The following ATXN7L1 variants were observed in gnomAD, a reference collection of about 807,000 sequenced individuals.
ATXN7L1 encodes the protein ataxin-7-like protein 1.
A neutral mutation model predicts 70.8 loss-of-function variants in ATXN7L1; 15 were observed. The observed-to-expected ratio is 0.21, with a 90% confidence interval of 0.14 to 0.33. The LOEUF (loss-of-function observed/expected upper bound fraction) is 0.33. Ranked by LOEUF, ATXN7L1 falls within the 10% of genes least tolerant of loss-of-function variation. The pLI, the probability that ATXN7L1 is intolerant of heterozygous loss-of-function variation, is 1.00. For missense variants in ATXN7L1, 975 were observed against 1,097.1 expected, an observed-to-expected ratio of 0.89 and a Z score of 1.57; for synonymous variants, 440 against 445.1, an observed-to-expected ratio of 0.99 and a Z score of 0.14.
intron 2 of ATXN7L1, among the ~76,000 whole-genome samples, chr7:105,789,552 A>T (rs1343813384): frequency 6.6e-6 from 1 of 152,046 alleles, no homozygotes; most frequent in Non-Finnish European, 1.5e-5. Context: ...GGATGAGTAG[A>T]GGTTAAGGAA....
intron 3 of ATXN7L1, among the ~76,000 whole-genome samples, chr7:105,697,278 G>A (rs772029616): frequency 3.3e-5 from 5 of 151,314 alleles, no homozygotes; most frequent in African/African-American, 4.9e-5. Flanking sequence ...CTATCTCACC[G>A]CTGCAATCTC....
chr7:105,827,506 C>T (rs1016143366), intron 2 of ATXN7L1, among the ~76,000 whole-genome samples: 1 of 152,144 alleles, frequency 6.6e-6, no homozygotes, highest in African/African-American at 2.4e-5. Flanking sequence ...TGCGTGGGTT[C>T]ACTTATATAC....
intron 2 of ATXN7L1, among the ~76,000 whole-genome samples, chr7:105,816,389 G>A (rs955995251): frequency 6.6e-6 from 1 of 152,156 alleles, no homozygotes; most frequent in Admixed American, 6.5e-5. Context: ...AATTTTTATA[G>A]ACACTAGCTT....
At chr7:105,702,780 G>C (rs1048047292) in intron 3 of ATXN7L1, among the ~76,000 whole-genome samples, 1 of 151,940 alleles carries the variant, frequency 6.6e-6, no homozygotes, top group African/African-American at 2.4e-5. Flanking sequence ...TGCAGTTTAA[G>C]ACCAGCCTGA....
chr7:105,815,036 G>A (rs1808984017), intron 2 of ATXN7L1, among the ~76,000 whole-genome samples: 1 of 152,178 alleles, frequency 6.6e-6, no homozygotes. Context: ...TCTGGAAAGG[G>A]GGGCCCACAA....
intron 3 of ATXN7L1, among the ~76,000 whole-genome samples, chr7:105,757,504 T>C (rs2116402020): frequency 6.6e-6 from 1 of 152,114 alleles, no homozygotes; most frequent in East Asian, 1.9e-4. Context: ...TTTGAATTCT[T>C]TTTCACCAAA....
Position 105,828,864 on chromosome 7 carries a change from A to G in ATXN7L1, c.251-40156T>C, listed in dbSNP as rs569248533. 6.6e-5 allele frequency among the ~76,000 whole-genome samples: 10 copies of G among 152,346 alleles called. No homozygotes were observed. The South Asian group carries it at 1.9e-3, about 28-fold the overall frequency. ...CACTGACAATTTCTAAAGAAGCAAT[A>G]CATGGACTCCACCGGCAAGGGTATT... On this transcript the variant is annotated intron_variant, in intron 2 of 11. Coordinates refer to ENST00000419735, the MANE Select transcript of ATXN7L1 (RefSeq NM_020725.2).
intron 3 of ATXN7L1, among the ~76,000 whole-genome samples, chr7:105,693,174 G>C (rs539055141): frequency 2.0e-5 from 3 of 152,116 alleles, no homozygotes; most frequent in South Asian, 4.2e-4. Flanking sequence ...GGGTGTGGAC[G>C]TAAGAGTGAG....
chr7:105,755,690 T>C (rs78816710), intron 3 of ATXN7L1, among the ~76,000 whole-genome samples: 3,175 of 152,280 alleles, frequency 0.021, 92 homozygotes, highest in African/African-American at 0.073. Flanking sequence ...TCCCTCTTAG[T>C]GAGAAAAGTG....
intron 7 of ATXN7L1, among the ~76,000 whole-genome samples, chr7:105,625,283 C>T (rs898853894): frequency 3.3e-5 from 5 of 152,228 alleles, no homozygotes; most frequent in African/African-American, 1.2e-4. Context: ...AACACTCTCA[C>T]TCTGTCGCCC....
intron 5 of ATXN7L1, among the ~76,000 whole-genome samples, chr7:105,641,254 T>G (rs1353497438): frequency 4.6e-5 from 5 of 108,288 alleles, no homozygotes; most frequent in Non-Finnish European, 7.2e-5. Context: ...TAGCTTCACT[T>G]AGAAAAAAAA....
chr7:105,854,471 GAAAAA>G (rs59330079), intron 2 of ATXN7L1, among the ~76,000 whole-genome samples: 2 of 97,722 alleles, frequency 2.0e-5, no homozygotes. Flanking sequence ...AATTAGCTCT[GAAAAA>G]AAAAAAAAAA....
At chr7:105,841,246 A>C (rs1394025016) in intron 2 of ATXN7L1, among the ~76,000 whole-genome samples, 1 of 152,162 alleles carries the variant, frequency 6.6e-6, no homozygotes, top group Non-Finnish European at 1.5e-5. Context: ...TCTGCAGTTG[A>C]AATGCCTGTC....
At chr7:105,846,570 A>C (rs897000268) in intron 2 of ATXN7L1, among the ~76,000 whole-genome samples, 4 of 152,262 alleles carry the variant, frequency 2.6e-5, no homozygotes, top group African/African-American at 9.6e-5. Flanking sequence ...GTTCTTCAAA[A>C]AATTAAGCAT....
At position 105,613,856 on chromosome 7, in the gene ATXN7L1, C is replaced by T; in HGVS notation, c.2472+6G>A. 1 of 1,551,838 alleles carries T rather than the reference C, an allele frequency of 6.4e-7. No individual in the cohort carries two copies. The highest frequency in any genetic ancestry group is 8.7e-7 in the Non-Finnish European group (1 of 1,147,032). ...CCGGTGAAGGCGGTGCCAGGAGGTC[C>T]CTTACCTGCCGAGAGGAGGTGCTGT... On this transcript the variant is annotated splice_donor_region_variant and intron_variant, in intron 10 of 11. Transcript: ENST00000419735.
intron 2 of ATXN7L1, among the ~76,000 whole-genome samples, chr7:105,864,917 G>A (rs985107154): frequency 6.6e-6 from 1 of 152,180 alleles, no homozygotes; most frequent in South Asian, 2.1e-4. Flanking sequence ...TTACAGGCAT[G>A]AGCCACAGTG....
chr7:105,781,988 G>A (rs367898859), intron 3 of ATXN7L1, among the ~76,000 whole-genome samples: 5 of 152,012 alleles, frequency 3.3e-5, no homozygotes, highest in East Asian at 3.9e-4. Context: ...ACAACACTAC[G>A]CCTGGCTAAT....
intron 7 of ATXN7L1, among the ~76,000 whole-genome samples, chr7:105,632,765 A>T (rs1053040645): frequency 4.6e-5 from 7 of 151,758 alleles, no homozygotes; most frequent in African/African-American, 9.7e-5. Context: ...GTAAAAAAAT[A>T]AAAAAATTAG....
In ATXN7L1 at chr7:105,614,920, G is replaced by C. The variant is rs1793648673; in HGVS notation, c.1518-104C>G. On this transcript the variant is annotated intron_variant, in intron 9 of 11. Transcript: ENST00000419735. This position sits in a 1 kb window ranked among gnomAD's most constrained non-coding sequence, Gnocchi z 4.3. ...GATCAGGGCTACAGAGGACACCCCG[G>C]CAGAACCAGACTATGGAGAATGGAG... The C allele has an allele frequency of 1.5e-6, 2 of 1,337,348 alleles. No homozygotes were observed. The highest frequency in any genetic ancestry group is 5.1e-5 in the East Asian group (2 of 39,474). The allele number at this position is 1,337,348 out of a possible 1,614,324, so 82.8% of individuals were successfully genotyped here.
Sources: gnomAD v4.1 joint callset for allele counts (sites outside exome capture counted in the v4.1 genomes callset) on GRCh38, gnomAD v4.1.1 for gene constraint, Gnocchi (gnomAD v3.1) non-coding constraint, MANE v1.5 for transcripts, NCBI Gene and HGNC (gene_info 2026-07-23, HGNC 2026-07-21) for gene names.